C2orf76: variants seen among roughly 807,000 people sequenced by gnomAD.
The protein encoded by C2orf76 is UPF0538 protein C2orf76.
A neutral mutation model predicts 16.9 loss-of-function variants in C2orf76; 23 were observed. The observed-to-expected ratio is 1.36, with a 90% confidence interval of 0.98 to 1.93. The LOEUF is 1.93. C2orf76 is among the 30% of genes most tolerant of loss of function. C2orf76 has a pLI of 0.00. For missense variants in C2orf76, 152 were observed against 152.6 expected, an observed-to-expected ratio of 1.00 and a Z score of 0.02; for synonymous variants, 48 against 52.3, an observed-to-expected ratio of 0.92 and a Z score of 0.35.
At chr2:119,323,880 G>C (rs2104571534) in intron 2 of C2orf76, among the ~76,000 whole-genome samples, 1 of 152,296 alleles carries the variant, frequency 6.6e-6, no homozygotes, top group South Asian at 2.1e-4. Flanking sequence ...TAGGGTTTTA[G>C]GTGAAATTTC....
At chr2:119,336,673 T>C (rs962579053) in intron 2 of C2orf76, among the ~76,000 whole-genome samples, 10 of 151,638 alleles carry the variant, frequency 6.6e-5, no homozygotes, top group African/African-American at 2.2e-4. Flanking sequence ...GGGAGGAGGA[T>C]CGAAAAATAA....
intron 1 of C2orf76, among the ~76,000 whole-genome samples, chr2:119,357,335 C>A (rs1680602550): frequency 6.6e-6 from 1 of 152,036 alleles, no homozygotes; most frequent in African/African-American, 2.4e-5. Flanking sequence ...TAGAATTTAG[C>A]AATACATAAA....
At chr2:119,329,958 C>T (rs1259985429) in intron 2 of C2orf76, among the ~76,000 whole-genome samples, 2 of 151,908 alleles carry the variant, frequency 1.3e-5, no homozygotes, top group Non-Finnish European at 2.9e-5. Flanking sequence ...TATCATTTTC[C>T]TTATGCCTGA....
chr2:119,321,307 C>A, intron 2 of C2orf76, 103 bp from the exon 3 acceptor site: 1 of 658,214 alleles, frequency 1.5e-6, no homozygotes, highest in Non-Finnish European at 2.6e-6. Flanking sequence ...ACTAAGTTAC[C>A]TTGAAAAACC....
At chr2:119,359,082 G>A (rs571392125) in intron 1 of C2orf76, among the ~76,000 whole-genome samples, 2 of 152,286 alleles carry the variant, frequency 1.3e-5, no homozygotes, top group East Asian at 3.9e-4. Flanking sequence ...AACGCTCACT[G>A]ATCATTGTGA....
intron 2 of C2orf76, among the ~76,000 whole-genome samples, chr2:119,338,246 C>G (rs1485412169): frequency 6.6e-6 from 1 of 152,128 alleles, no homozygotes; most frequent in Non-Finnish European, 1.5e-5. Flanking sequence ...CCTCCGTTTG[C>G]CTAAAATCAG....
At chr2:119,299,082 A>ATT (rs79043476), downstream of C2orf76, among the ~76,000 whole-genome samples, 4 of 145,866 alleles carry the variant, frequency 2.7e-5, no homozygotes, top group South Asian at 2.2e-4. Context: ...CACCCAGCTA[A>ATT]TTTTTTTTTT....
chr2:119,350,078 C>T lies in C2orf76; in HGVS notation c.-12-10107G>A, dbSNP rs867540052. On this transcript the variant is annotated intron_variant, in intron 1 of 5. Coordinates refer to ENST00000334816, the MANE Select transcript of C2orf76 (RefSeq NM_001322331.2). ...ACGCCCCGCCCACACCGCCCCCCGC[C>T]CCCCCACCGTCCCGCGTAAGTGTTT... Among the ~76,000 whole-genome samples, 6 of 115,828 alleles carry T rather than the reference C, an allele frequency of 5.2e-5. 1 individual carries two copies. The East Asian group carries it at 1.1e-3, about 21-fold the overall frequency. The allele number at this position is 115,828 out of a possible 152,430, so 76.0% of individuals were successfully genotyped here.
upstream of C2orf76, chr2:119,367,113 TG>T (rs1220828696): frequency 1.9e-6 from 3 of 1,610,590 alleles, no homozygotes; most frequent in Non-Finnish European, 8.5e-7. Context: ...GGAGGCCCGT[TG>T]GGGGCTCAGC....
At chr2:119,306,814 A>G (rs1211854113) in intron 5 of C2orf76, among the ~76,000 whole-genome samples, 13 of 152,222 alleles carry the variant, frequency 8.5e-5, no homozygotes, top group African/African-American at 2.6e-4. Flanking sequence ...CAGGTGTAGA[A>G]TGTTCCACGG....
the C2orf76 span, among the ~76,000 whole-genome samples, chr2:119,293,587 T>C: frequency 1.2e-4 from 18 of 152,238 alleles, no homozygotes; most frequent in East Asian, 2.5e-3. Flanking sequence ...AGAATTGTAG[T>C]GGGGTAGAAG....
At chr2:119,343,238 G>A (rs998097622) in intron 1 of C2orf76, among the ~76,000 whole-genome samples, 10 of 151,966 alleles carry the variant, frequency 6.6e-5, no homozygotes, top group African/African-American at 1.2e-4. Context: ...TCAGAAAATC[G>A]TATCCCAGAA....
intron 1 of C2orf76, among the ~76,000 whole-genome samples, chr2:119,341,725 T>A (rs1237912834): frequency 6.6e-6 from 1 of 152,080 alleles, no homozygotes; most frequent in East Asian, 1.9e-4. Context: ...TAAAAGTAAG[T>A]ACTAGAAAAA....
chr2:119,328,208 T>C lies in C2orf76; in HGVS notation c.134-7004A>G, dbSNP rs549016150. On this transcript the variant is annotated intron_variant, in intron 2 of 5. Coordinates refer to ENST00000334816, the MANE Select transcript of C2orf76 (RefSeq NM_001322331.2). ...CTCTGTAGAATTGAGATTATTTCTT[T>C]CTTAAAAATATGGTAGAATGTACCA... Among the ~76,000 whole-genome samples the C allele has an allele frequency of 5.9e-5, 9 of 152,298 alleles. 1 individual carries two copies. Among genetic ancestry groups the C allele is most frequent in the African/African-American group, 2.2e-4 (9 of 41,578 alleles).
At chr2:119,353,178 G>C (rs898370667) in intron 1 of C2orf76, among the ~76,000 whole-genome samples, 3 of 151,972 alleles carry the variant, frequency 2.0e-5, no homozygotes, top group Non-Finnish European at 4.4e-5. Flanking sequence ...AAAAAATGTT[G>C]TTTAAGGCCA....
the C2orf76 span, among the ~76,000 whole-genome samples, chr2:119,297,178 T>A: frequency 1.8e-4 from 28 of 152,340 alleles, no homozygotes; most frequent in African/African-American, 6.0e-4. Flanking sequence ...AAGTGGCCCT[T>A]ATTATCTCCT....
intron 1 of C2orf76, among the ~76,000 whole-genome samples, chr2:119,364,331 A>G (rs576162560): frequency 1.3e-5 from 2 of 152,338 alleles, no homozygotes; most frequent in South Asian, 4.1e-4. Flanking sequence ...TTGGCTGACA[A>G]GTTGGCTGGT....
chr2:119,293,955 G>T, the C2orf76 span, among the ~76,000 whole-genome samples: 1 of 152,184 alleles, frequency 6.6e-6, no homozygotes, highest in Non-Finnish European at 1.5e-5. Flanking sequence ...CCTCACCAGG[G>T]ATGGGGAGCA....
chr2:119,348,854 C>T (rs374596326), intron 1 of C2orf76, among the ~76,000 whole-genome samples: 1 of 151,952 alleles, frequency 6.6e-6, no homozygotes, highest in Non-Finnish European at 1.5e-5. Flanking sequence ...AAAGTTAGCC[C>T]GGCATGGTGG....
Sources: allele counts gnomAD v4.1 joint callset (sites outside exome capture counted in the v4.1 genomes callset), GRCh38; gene constraint gnomAD v4.1.1; transcripts MANE v1.5; gene names NCBI Gene and HGNC (gene_info 2026-07-23, HGNC 2026-07-21).